STAG2: variants seen among roughly 807,000 people sequenced by gnomAD.
STAG2 encodes the protein STAG2 cohesin complex component, also known as cohesin subunit SA-2.
A neutral mutation model predicts 108.1 loss-of-function variants in STAG2; 14 were observed. The observed-to-expected ratio is 0.13, with a 90% CI of 0.09 to 0.20. STAG2 has a LOEUF of 0.20. STAG2 is among the 10% of genes least tolerant of loss of function. The pLI is 1.00. For missense variants in STAG2, 440 were observed against 940.9 expected, an observed-to-expected ratio of 0.47 and a Z score of 6.96; for synonymous variants, 307 against 302.7, an observed-to-expected ratio of 1.01 and a Z score of -0.15.
chrX:124,045,068 TA>T, intron 7 of STAG2, 95 bp from the exon 8 acceptor site: 1 of 732,204 alleles, frequency 1.4e-6, no homozygotes, highest in Non-Finnish European at 2.1e-6. Flanking sequence ...GAGATAAAGA[TA>T]CCTTTTCATG....
chrX:123,995,032 A>G (rs925204926), intron 1 of STAG2, among the ~76,000 whole-genome samples: 19 of 111,995 alleles, frequency 1.7e-4, no homozygotes, highest in Non-Finnish European at 3.2e-4. Context: ...GCAAACTCCT[A>G]TTTTTAGCAC....
At position 124,100,668 on chromosome X, in the gene STAG2, ATAC is replaced by A; in HGVS notation, c.*72_*74del. 1 of 881,704 alleles carries A rather than the reference ATAC, an allele frequency of 1.1e-6. No homozygotes were observed. The highest frequency in any genetic ancestry group is 1.6e-6 in the Non-Finnish European group (1 of 606,966). The allele number at this position is 881,704 out of a possible 1,213,427, so 72.7% of individuals were successfully genotyped here. ...AAGAGGAAATTTTAAAGTGTGGTAG[ATAC>A]AGTGAAATTCTGTACAGATTTTTCT... On this transcript the variant is annotated 3_prime_UTR_variant, in exon 35 of 35. Coordinates refer to ENST00000371145, the MANE Select transcript of STAG2 (RefSeq NM_001042750.2).
At chrX:124,067,153 A>G (rs974856037) in intron 23 of STAG2, among the ~76,000 whole-genome samples, 1 of 111,694 alleles carries the variant, frequency 9.0e-6, no homozygotes, top group Non-Finnish European at 1.9e-5. Context: ...AAACCCACAG[A>G]ATAATGTTAA....
Position 124,009,536 on chromosome X carries a change from A to G in STAG2, c.-162-11831A>G, listed in dbSNP as rs192647896. 9.3e-4 allele frequency among the ~76,000 whole-genome samples: 103 copies of G among 110,520 alleles called. 1 individual carries two copies. The highest frequency in any genetic ancestry group is 3.2e-3 in the African/African-American group (97 of 30,407). On this transcript the variant is annotated intron_variant, in intron 1 of 34. Coordinates refer to ENST00000371145, the MANE Select transcript of STAG2 (RefSeq NM_001042750.2). Reference sequence around the variant, plus strand: ...CTTCCTCTCGAGTTTAATGGAATCAAGTGTTGCATTTTAGGGTAATTCCTA... The same window carrying G: ...CTTCCTCTCGAGTTTAATGGAATCAGGTGTTGCATTTTAGGGTAATTCCTA...
intron 1 of STAG2, among the ~76,000 whole-genome samples, chrX:124,018,475 TGG>T (rs2056807736): frequency 2.7e-5 from 3 of 109,872 alleles, no homozygotes; most frequent in Non-Finnish European, 5.7e-5. Context: ...GATGGATGGA[TGG>T]ATGGATGGAC....
rs746426820 is a variant in STAG2 at position 124,083,410 on chromosome X, T to C, written c.2925-11T>C. Reference sequence around the variant, plus strand: ...ATATTTATTTCAATTATTTTTTGTTTTCCTTTGCAGAGATGGCATAGAATT... The same window carrying C: ...ATATTTATTTCAATTATTTTTTGTTCTCCTTTGCAGAGATGGCATAGAATT... On this transcript the variant is annotated splice_polypyrimidine_tract_variant and intron_variant, in intron 28 of 34. Transcript: ENST00000371145. 8.7e-7 allele frequency: 1 copy of C among 1,143,274 alleles called. No individual in the cohort carries two copies. Among genetic ancestry groups the C allele is most frequent in the South Asian group, 2.1e-5 (1 of 47,970 alleles). 94.2% of individuals were successfully genotyped at this position (1,143,274 alleles called of 1,213,427 possible).
chrX:123,998,925 C>T (rs764871031), intron 1 of STAG2, among the ~76,000 whole-genome samples: 12 of 109,674 alleles, frequency 1.1e-4, no homozygotes, highest in African/African-American at 1.7e-4. Flanking sequence ...GGCAACATAG[C>T]GAGACCCCAT....
chrX:123,976,848 A>G (rs374556478), intron 1 of STAG2, among the ~76,000 whole-genome samples: 3 of 111,382 alleles, frequency 2.7e-5, no homozygotes, highest in African/African-American at 9.8e-5. Flanking sequence ...ATTCCAGAAC[A>G]CTCCTTTACA....
intron 1 of STAG2, among the ~76,000 whole-genome samples, chrX:123,967,670 C>T (rs2054168584): frequency 9.0e-6 from 1 of 110,794 alleles, no homozygotes. Flanking sequence ...TACAGTGTAC[C>T]TACACACACC....
At chrX:124,011,608 G>T (rs1274257652) in intron 1 of STAG2, among the ~76,000 whole-genome samples, 4 of 111,536 alleles carry the variant, frequency 3.6e-5, no homozygotes, top group Non-Finnish European at 5.6e-5. Flanking sequence ...TAAAGAAAAA[G>T]AATTTATTTC....
chrX:124,041,076 C>G (rs2057702139), intron 6 of STAG2, among the ~76,000 whole-genome samples: 1 of 108,782 alleles, frequency 9.2e-6, no homozygotes, highest in African/African-American at 3.3e-5. Flanking sequence ...GTCTTGAACT[C>G]CAGACCTCAA....
chrX:124,075,666 T>A (rs1347136438), intron 25 of STAG2, among the ~76,000 whole-genome samples: 2 of 111,312 alleles, frequency 1.8e-5, no homozygotes, highest in South Asian at 3.7e-4. Context: ...CTTTTTTTTT[T>A]AATATAAAAA....
intron 32 of STAG2, among the ~76,000 whole-genome samples, chrX:124,091,328 C>G (rs1334918821): frequency 9.0e-6 from 1 of 111,191 alleles, no homozygotes; most frequent in East Asian, 2.8e-4. Flanking sequence ...TGGTTTTCTT[C>G]CCTCAAATCT....
chrX:124,002,201 A>C (rs2056075277), intron 1 of STAG2, among the ~76,000 whole-genome samples: 1 of 112,176 alleles, frequency 8.9e-6, no homozygotes, highest in African/African-American at 3.2e-5. Context: ...TGGGCGACAG[A>C]GGGAGACCCT....
intron 1 of STAG2, among the ~76,000 whole-genome samples, chrX:124,013,518 T>C (rs978331358): frequency 3.6e-5 from 4 of 112,218 alleles, no homozygotes; most frequent in Non-Finnish European, 3.8e-5. Context: ...TGTTTTGATA[T>C]TTGTCTTAGG....
chrX:124,061,832 G>A lies in STAG2; in HGVS notation c.1596G>A (p.Ala532=), dbSNP rs778891520. Residue 532 remains alanine, a synonymous_variant, in exon 17 of 35, where the codon GCG becomes GCA. Transcript: ENST00000371145. ...IEIMLCTIRQ[A]AECHPPVGRG... ...TAATGCTTTGTACCATTAGACAAGC[G>A]GCTGAATGTCATCCTCCCGTGGGAA... 18 of 1,188,836 alleles carry A rather than the reference G, an allele frequency of 1.5e-5. No individual in the cohort carries two copies. The African/African-American group carries it at 1.7e-4, about 11-fold the overall frequency.
intron 34 of STAG2, among the ~76,000 whole-genome samples, chrX:124,099,677 TATAAG>T (rs1163383879): frequency 1.8e-5 from 2 of 112,087 alleles, no homozygotes; most frequent in East Asian, 2.8e-4. Flanking sequence ...TCATAGAACT[TATAAG>T]AGATTTAACT....
intron 25 of STAG2, 69 bp from the exon 26 acceptor site, chrX:124,076,263 T>C: frequency 9.8e-7 from 1 of 1,017,376 alleles, no homozygotes; most frequent in East Asian, 3.1e-5. Flanking sequence ...TGTTTCATAG[T>C]GAGAATTAAA....
In STAG2 at chrX:124,100,562, C is replaced by T. The variant is rs1279017957; in HGVS notation, c.3784-12C>T. 2 of 1,190,181 alleles carry T rather than the reference C, an allele frequency of 1.7e-6. No homozygotes were observed. The highest frequency in any genetic ancestry group is 2.3e-6 in the Non-Finnish European group (2 of 879,218). ...TTTAACGAGATTTTCTCCCCTCTCT[C>T]TCTCTCATTAGGTTCTTGGAGTGTC... On this transcript the variant is annotated splice_polypyrimidine_tract_variant and intron_variant, in intron 34 of 34. Transcript: ENST00000371145.
Sources: gnomAD v4.1 joint callset for allele counts (sites outside exome capture counted in the v4.1 genomes callset) on GRCh38, gnomAD v4.1.1 for gene constraint, MANE v1.5 for transcripts, NCBI Gene and HGNC (gene_info 2026-07-23, HGNC 2026-07-21) for gene names.